CLSTN2: variants seen among roughly 807,000 people sequenced by gnomAD.
CLSTN2 encodes calsyntenin 2.
In CLSTN2, 48 loss-of-function variants were observed where a neutral mutation model predicts 101.2. That is an observed-to-expected ratio of 0.47 (90% confidence interval 0.38 to 0.60). CLSTN2 has a LOEUF of 0.60. Among genes scored for constraint, CLSTN2 ranks in the 20% least tolerant of loss-of-function variants. CLSTN2 has a pLI of 0.00. For synonymous variants in CLSTN2, 481 were observed against 463.6 expected, an observed-to-expected ratio of 1.04 and a Z score of -0.48; for missense variants, 1,160 against 1,238.2, an observed-to-expected ratio of 0.94 and a Z score of 0.95.
intron 4 of CLSTN2, among the ~76,000 whole-genome samples, chr3:140,407,802 A>G (rs2088320458): frequency 6.6e-6 from 1 of 152,216 alleles, no homozygotes; most frequent in Non-Finnish European, 1.5e-5. Flanking sequence ...ATAAAGAGCT[A>G]GCCTAATAAC....
rs1457599218 is a variant in CLSTN2, at chr3:140,404,612, A to T, written c.483A>T (p.Lys161Asn). The change falls in exon 4 of 17, where the codon AAA becomes AAT. Residue 161 changes from lysine to asparagine, a missense_variant. Physicochemically the swap from Lys to Asn is moderately conservative, Grantham distance 94. Coordinates refer to ENST00000458420, the MANE Select transcript of CLSTN2 (RefSeq NM_022131.3). The stretch of plus-strand genomic sequence containing the variant: ...TCAACGAGTTTGCTCCCACCTTCAA[A>T]GAGCCAGCCTACAAGGCTGTTGTGA... ...KDVNEFAPTFKEPAYKAVVTE... is the reference protein window; with the variant it reads ...KDVNEFAPTFNEPAYKAVVTE... 6.2e-7 allele frequency: 1 copy of T among 1,614,234 alleles called. No individual in the cohort carries two copies. Among genetic ancestry groups the T allele is most frequent in the East Asian group, 2.2e-5 (1 of 44,880 alleles).
chr3:140,289,958 G>C (rs1286355216), intron 2 of CLSTN2, among the ~76,000 whole-genome samples: 1 of 150,468 alleles, frequency 6.6e-6, no homozygotes, highest in East Asian at 1.9e-4. Context: ...GGCTTATGTG[G>C]CATGTAAAAG....
chr3:140,363,647 G>A (rs2087754068), intron 2 of CLSTN2, among the ~76,000 whole-genome samples: 1 of 152,132 alleles, frequency 6.6e-6, no homozygotes, highest in Non-Finnish European at 1.5e-5. Flanking sequence ...ATTTCTCCCT[G>A]CCTCACATTC....
At chr3:140,186,316 T>C (rs1352659033) in intron 2 of CLSTN2, among the ~76,000 whole-genome samples, 1 of 152,186 alleles carries the variant, frequency 6.6e-6, no homozygotes, top group Non-Finnish European at 1.5e-5. Flanking sequence ...AGTAGCCATA[T>C]TGAATAGTCC....
At chr3:140,209,689 T>C (rs1388641389) in intron 2 of CLSTN2, among the ~76,000 whole-genome samples, 1 of 152,088 alleles carries the variant, frequency 6.6e-6, no homozygotes, top group Non-Finnish European at 1.5e-5. Context: ...AGGACACTGA[T>C]ACTCAGTGTC....
chr3:140,500,823 T>C (rs1934561524), intron 8 of CLSTN2, among the ~76,000 whole-genome samples: 1 of 152,200 alleles, frequency 6.6e-6, no homozygotes, highest in African/African-American at 2.4e-5. Context: ...AATAATAAAG[T>C]ATTATTTTAT....
chr3:140,058,618 GC>G (rs2008140896), intron 1 of CLSTN2, among the ~76,000 whole-genome samples: 1 of 152,138 alleles, frequency 6.6e-6, no homozygotes, highest in Non-Finnish European at 1.5e-5. Context: ...ATTCAAAAGG[GC>G]CAATGATTAC....
At chr3:140,227,380 C>T (rs2086331318) in intron 2 of CLSTN2, among the ~76,000 whole-genome samples, 1 of 152,230 alleles carries the variant, frequency 6.6e-6, no homozygotes, top group Admixed American at 6.5e-5. Flanking sequence ...CCAGGTCAAG[C>T]TGATGCAAGA....
intron 2 of CLSTN2, among the ~76,000 whole-genome samples, chr3:140,380,740 C>T (rs937376917): frequency 4.6e-5 from 7 of 152,204 alleles, no homozygotes; most frequent in African/African-American, 1.7e-4. Context: ...TCTGCTGGAA[C>T]CAATCTTTTC....
At chr3:140,047,525 G>A (rs902249678) in intron 1 of CLSTN2, among the ~76,000 whole-genome samples, 2 of 152,138 alleles carry the variant, frequency 1.3e-5, no homozygotes, top group East Asian at 1.9e-4. Flanking sequence ...ATGTGTCTTA[G>A]TTCATTTTCT....
At chr3:140,386,561 C>G (rs376236297) in intron 2 of CLSTN2, among the ~76,000 whole-genome samples, 40 of 152,352 alleles carry the variant, frequency 2.6e-4, no homozygotes, top group African/African-American at 9.1e-4. Context: ...CCACACACAG[C>G]TGTGCAGCCA....
intron 12 of CLSTN2, 64 bp from the exon 13 acceptor site, chr3:140,562,074 T>C: frequency 6.8e-7 from 1 of 1,476,090 alleles, no homozygotes; most frequent in Non-Finnish European, 9.4e-7. Flanking sequence ...AGGAAGGTGA[T>C]TAGCAAGGGC....
At chr3:140,535,808 C>G (rs1041581051) in intron 9 of CLSTN2, among the ~76,000 whole-genome samples, 1 of 152,226 alleles carries the variant, frequency 6.6e-6, no homozygotes, top group Admixed American at 6.5e-5. Context: ...TGCCCAACCT[C>G]AAGCCTCCAA....
chr3:140,152,392 C>G (rs766236471), intron 1 of CLSTN2, among the ~76,000 whole-genome samples: 2 of 152,134 alleles, frequency 1.3e-5, no homozygotes, highest in Non-Finnish European at 2.9e-5. Flanking sequence ...AGGGTGGTCC[C>G]TCTAATATTC....
chr3:140,439,421 T>A (rs2088734699), intron 5 of CLSTN2, among the ~76,000 whole-genome samples: 1 of 152,196 alleles, frequency 6.6e-6, no homozygotes, highest in African/African-American at 2.4e-5. Flanking sequence ...GCCAGATAGA[T>A]GTGAAGCTTT....
At chr3:140,213,818 C>T (rs564865543) in intron 2 of CLSTN2, among the ~76,000 whole-genome samples, 54 of 152,142 alleles carry the variant, frequency 3.5e-4, no homozygotes, top group African/African-American at 1.2e-3. Context: ...GATTGGGGCT[C>T]GAATCCAGCC....
At chr3:140,472,907 CA>C (rs1933885939) in intron 8 of CLSTN2, among the ~76,000 whole-genome samples, 1 of 152,156 alleles carries the variant, frequency 6.6e-6, no homozygotes, top group African/African-American at 2.4e-5. Flanking sequence ...TGACAAGCCC[CA>C]GTCATATTCT....
chr3:140,499,291 T>G (rs1934525386), intron 8 of CLSTN2, among the ~76,000 whole-genome samples: 1 of 152,214 alleles, frequency 6.6e-6, no homozygotes, highest in Admixed American at 6.5e-5. Context: ...GGTTTGCCTT[T>G]TCAACTGCAT....
At chr3:140,474,080 G>T (rs1253005921) in intron 8 of CLSTN2, among the ~76,000 whole-genome samples, 2 of 152,098 alleles carry the variant, frequency 1.3e-5, no homozygotes, top group Non-Finnish European at 2.9e-5. Flanking sequence ...GGCCAAATCT[G>T]TGTTGTTTTA....
Sources: allele counts gnomAD v4.1 joint callset (sites outside exome capture counted in the v4.1 genomes callset), GRCh38; gene constraint gnomAD v4.1.1; transcripts MANE v1.5; gene names NCBI Gene and HGNC (gene_info 2026-07-23, HGNC 2026-07-21).